ALDH18A1: variants seen among roughly 807,000 people sequenced by gnomAD.
ALDH18A1 encodes delta-1-pyrroline-5-carboxylate synthase.
ALDH18A1 carries 44 observed loss-of-function variants against 88.8 expected under a neutral mutation model. The observed-to-expected ratio is 0.50, with a 90% CI of 0.39 to 0.64. ALDH18A1 has a LOEUF of 0.64. Among genes scored for constraint, ALDH18A1 ranks in the 30% least tolerant of loss-of-function variants. The probability of loss-of-function intolerance (pLI) is 0.00; values close to 1 mark genes in which losing one functional copy is unlikely to be tolerated. For synonymous variants in ALDH18A1, 331 were observed against 372.1 expected (o/e 0.89, Z 1.27); for missense variants, 782 against 1,009.5 (o/e 0.77, Z 3.05).
chr10:95,615,001 G>C (rs114097196), intron 13 of ALDH18A1, among the ~76,000 whole-genome samples: 1 of 152,136 alleles, frequency 6.6e-6, no homozygotes, highest in Non-Finnish European at 1.5e-5. Context: ...CAACATAAAC[G>C]TGTGTTTTGT....
chr10:95,653,271 A>T lies in ALDH18A1; in HGVS notation c.88+19T>A. The T allele has an allele frequency of 2.5e-6, 4 of 1,590,464 alleles. No individual in the cohort carries two copies. The highest frequency in any genetic ancestry group is 3.4e-6 in the Non-Finnish European group (4 of 1,159,864). ...CTATCAAACGTCCCACATACTCATA[A>T]GTTTTCTATGGTACATACGAGATCT... On this transcript the variant is annotated intron_variant, in intron 2 of 17. Transcript: ENST00000371224.
chr10:95,622,674 A>G (rs533470856), intron 11 of ALDH18A1, among the ~76,000 whole-genome samples: 3 of 152,190 alleles, frequency 2.0e-5, no homozygotes, highest in African/African-American at 7.2e-5. Context: ...AGTAGCTGGG[A>G]CTACAGGCGC....
chr10:95,620,943 A>G (rs1271322934), intron 12 of ALDH18A1, 88 bp downstream of exon 12: 1 of 1,355,912 alleles, frequency 7.4e-7, no homozygotes, highest in Non-Finnish European at 1.0e-6. Flanking sequence ...TTAAAAAAAA[A>G]AAAAAAGAAA....
chr10:95,609,769 ATT>A (rs55659918), intron 17 of ALDH18A1, among the ~76,000 whole-genome samples: 8 of 114,222 alleles, frequency 7.0e-5, no homozygotes, highest in African/African-American at 2.1e-4. Flanking sequence ...GTCTGTCTCT[ATT>A]TTTTTTTTTT....
At chr10:95,610,948 C>T (rs1308105262) in intron 16 of ALDH18A1, among the ~76,000 whole-genome samples, 1 of 152,148 alleles carries the variant, frequency 6.6e-6, no homozygotes, top group Non-Finnish European at 1.5e-5. Context: ...CCTTGGTTTC[C>T]TCAGCTGTAA....
At chr10:95,648,561 T>C (rs1417189391) in intron 2 of ALDH18A1, among the ~76,000 whole-genome samples, 2 of 152,186 alleles carry the variant, frequency 1.3e-5, no homozygotes, top group Admixed American at 1.3e-4. Context: ...TCCAAACTTC[T>C]TAAATTTGAG....
chr10:95,624,122 C>T (rs2097857171), intron 11 of ALDH18A1, among the ~76,000 whole-genome samples: 2 of 152,258 alleles, frequency 1.3e-5, no homozygotes, highest in African/African-American at 4.8e-5. Context: ...CGGGCGTGAG[C>T]CACTGTGCCT....
intron 17 of ALDH18A1, among the ~76,000 whole-genome samples, chr10:95,609,263 G>T (rs2097828632): frequency 6.6e-6 from 1 of 152,202 alleles, no homozygotes. Context: ...ATACCTAATG[G>T]AAAGGGACAG....
At chr10:95,619,073 C>A (rs1446364340) in intron 12 of ALDH18A1, among the ~76,000 whole-genome samples, 1 of 152,162 alleles carries the variant, frequency 6.6e-6, no homozygotes, top group African/African-American at 2.4e-5. Flanking sequence ...GGAAACCTAT[C>A]TCCAGTATTG....
intron 13 of ALDH18A1, 21 bp downstream of exon 13, chr10:95,616,456 G>A: frequency 6.4e-7 from 1 of 1,556,678 alleles, no homozygotes; most frequent in Non-Finnish European, 8.7e-7. Context: ...GGCCTGACTT[G>A]GTGCATTCCC....
At chr10:95,653,762 C>T (rs2097913945) in intron 1 of ALDH18A1, among the ~76,000 whole-genome samples, 1 of 152,202 alleles carries the variant, frequency 6.6e-6, no homozygotes, top group African/African-American at 2.4e-5. Context: ...TGTAACAGAT[C>T]CAACATCCTA....
intron 5 of ALDH18A1, among the ~76,000 whole-genome samples, chr10:95,636,667 T>C (rs1031034975): frequency 1.3e-5 from 2 of 152,184 alleles, no homozygotes; most frequent in Admixed American, 1.3e-4. Context: ...GCTTAATAAA[T>C]ATCTGCTATA....
chr10:95,631,266 C>T (rs983207545), intron 7 of ALDH18A1, among the ~76,000 whole-genome samples: 2 of 151,872 alleles, frequency 1.3e-5, no homozygotes, highest in African/African-American at 4.8e-5. Context: ...AATATGGTAC[C>T]CAGATAGCCT....
chr10:95,647,061 T>G (rs1429470369), intron 2 of ALDH18A1, among the ~76,000 whole-genome samples: 1 of 152,214 alleles, frequency 6.6e-6, no homozygotes, highest in Non-Finnish European at 1.5e-5. Flanking sequence ...CTTTTCTTTT[T>G]TTTTCCCTCT....
At chr10:95,616,811 GC>G in intron 12 of ALDH18A1, 197 bp from the exon 13 acceptor site, 1 of 715,302 alleles carries the variant, frequency 1.4e-6, no homozygotes, top group Non-Finnish European at 2.4e-6. Flanking sequence ...GGGCACTGAA[GC>G]CCAGAGAGGC....
chr10:95,606,979 C>T (rs2139514114), intron 17 of ALDH18A1, 36 bp from the exon 18 acceptor site: 6 of 1,607,544 alleles, frequency 3.7e-6, no homozygotes, highest in South Asian at 1.1e-5. Flanking sequence ...GTAGCTTTTC[C>T]CAGCCTCTGC....
chr10:95,636,208 C>A (rs56703153), intron 5 of ALDH18A1, among the ~76,000 whole-genome samples: 2,494 of 152,152 alleles, frequency 0.016, 72 homozygotes, highest in African/African-American at 0.057. Context: ...GTATATATAA[C>A]AATATCACCT....
chr10:95,607,569 T>C (rs1350964636), intron 17 of ALDH18A1, among the ~76,000 whole-genome samples: 5 of 152,168 alleles, frequency 3.3e-5, no homozygotes, highest in Admixed American at 2.6e-4. Flanking sequence ...ATGTACTATG[T>C]ACTAGGCACT....
chr10:95,607,472 G>A (rs922392194), intron 17 of ALDH18A1, among the ~76,000 whole-genome samples: 3 of 152,124 alleles, frequency 2.0e-5, no homozygotes, highest in Admixed American at 6.6e-5. Flanking sequence ...CCTAGGGAAC[G>A]TCAGGGGTTT....
Sources: gnomAD v4.1 joint callset for allele counts (sites outside exome capture counted in the v4.1 genomes callset) on GRCh38, gnomAD v4.1.1 for gene constraint, MANE v1.5 for transcripts, NCBI Gene and HGNC (gene_info 2026-07-23, HGNC 2026-07-21) for gene names.